The following PDZD2 variants were observed in gnomAD, a reference collection of about 807,000 sequenced individuals.
PDZD2 encodes PDZ domain-containing protein 2.
PDZD2 carries 90 observed loss-of-function variants against 220.7 expected under a neutral mutation model. The observed-to-expected ratio is 0.41, with a 90% confidence interval of 0.34 to 0.49. The LOEUF (loss-of-function observed/expected upper bound fraction) is 0.49, where lower values mean the gene tolerates loss of function less well. Among genes scored for constraint, PDZD2 ranks in the 20% least tolerant of loss-of-function variants. The probability of loss-of-function intolerance (pLI) is 0.28; values close to 1 mark genes in which losing one functional copy is unlikely to be tolerated. For missense variants in PDZD2, 3,174 were observed against 3,608.5 expected, an observed-to-expected ratio of 0.88 and a Z score of 3.08; for synonymous variants, 1,375 against 1,450.5, an observed-to-expected ratio of 0.95 and a Z score of 1.18.
intron 1 of PDZD2, among the ~76,000 whole-genome samples, chr5:31,749,646 A>T (rs1395378953): frequency 6.6e-6 from 1 of 151,846 alleles, no homozygotes; most frequent in Non-Finnish European, 1.5e-5. Flanking sequence ...CTGGTCTCGA[A>T]CTCCTGACCT....
Position 32,080,672 on chromosome 5 carries a change from T to G in PDZD2, c.3682+3066T>G, listed in dbSNP as rs1328413436. 5.3e-5 allele frequency among the ~76,000 whole-genome samples: 8 copies of G among 152,150 alleles called. 1 individual carries two copies. The highest frequency in any genetic ancestry group is 4.4e-5 in the Non-Finnish European group (3 of 68,018). ...CTTATTCTAGGTAGGCCAGTTTTTG[T>G]CAATACTGAGGTTTTCATCAGTGTT... On this transcript the variant is annotated intron_variant, in intron 19 of 24. Transcript: ENST00000438447.
intron 1 of PDZD2, among the ~76,000 whole-genome samples, chr5:31,751,538 T>C (rs1406883238): frequency 4.6e-5 from 7 of 152,244 alleles, no homozygotes; most frequent in African/African-American, 1.7e-4. Context: ...AGGAATTGCG[T>C]GGAAAGATGA....
intron 1 of PDZD2, among the ~76,000 whole-genome samples, chr5:31,695,801 G>C (rs989863163): frequency 9.9e-5 from 15 of 152,170 alleles, no homozygotes; most frequent in Non-Finnish European, 1.3e-4. Flanking sequence ...TCTATCTTGA[G>C]AGCAGAATGT....
At chr5:32,047,825 TGGTTGAA>T (rs1738127741) in intron 7 of PDZD2, among the ~76,000 whole-genome samples, 1 of 152,192 alleles carries the variant, frequency 6.6e-6, no homozygotes, top group Non-Finnish European at 1.5e-5. Flanking sequence ...TGCAATACCG[TGGTTGAA>T]TCTCATAAAC....
chr5:31,999,289 T>TG (rs199925193), intron 4 of PDZD2, among the ~76,000 whole-genome samples: 6,521 of 149,602 alleles, frequency 0.044, 378 homozygotes, highest in East Asian at 0.29. Flanking sequence ...TGTTTTTTTT[T>TG]TTTGTTTGTT....
intron 2 of PDZD2, among the ~76,000 whole-genome samples, chr5:31,932,311 G>T (rs1745365125): frequency 6.6e-6 from 1 of 152,174 alleles, no homozygotes; most frequent in Admixed American, 6.5e-5. Context: ...TACTTTAGGA[G>T]GCCGAGGCAG....
intron 1 of PDZD2, among the ~76,000 whole-genome samples, chr5:31,777,343 T>G (rs7729537): frequency 0.52 from 78,640 of 151,934 alleles, 21,313 homozygotes; most frequent in African/African-American, 0.59. Context: ...CTCCCTGCGG[T>G]GCAGGGCTCC....
At chr5:31,804,839 T>A (rs1754617633) in intron 2 of PDZD2, among the ~76,000 whole-genome samples, 1 of 152,204 alleles carries the variant, frequency 6.6e-6, no homozygotes, top group African/African-American at 2.4e-5. Context: ...GAACAAACTA[T>A]AAGGTTTCTT....
chr5:31,851,766 G>A (rs1480393993), intron 2 of PDZD2, among the ~76,000 whole-genome samples: 6 of 152,156 alleles, frequency 3.9e-5, no homozygotes, highest in Non-Finnish European at 7.4e-5. Context: ...GGGAAAAGAC[G>A]CACCAGATCA....
chr5:31,893,231 C>A (rs1218519119), intron 2 of PDZD2, among the ~76,000 whole-genome samples: 2 of 152,082 alleles, frequency 1.3e-5, no homozygotes, highest in African/African-American at 4.8e-5. Flanking sequence ...ACCATCCTGT[C>A]CCCACGTTAC....
intron 2 of PDZD2, chr5:31,847,878 T>C (rs1242308633): frequency 4.0e-6 from 2 of 506,056 alleles, no homozygotes; most frequent in Non-Finnish European, 7.7e-6. Flanking sequence ...TGTCAGAATG[T>C]TGCAGATTAC....
At chr5:31,830,828 G>A (rs918032777) in intron 2 of PDZD2, among the ~76,000 whole-genome samples, 13 of 152,188 alleles carry the variant, frequency 8.5e-5, no homozygotes, top group Non-Finnish European at 1.8e-4. Flanking sequence ...AGTCTTTTGG[G>A]AGAAGCCTTA....
chr5:31,836,234 T>C (rs1756936250), intron 2 of PDZD2, among the ~76,000 whole-genome samples: 1 of 148,768 alleles, frequency 6.7e-6, no homozygotes, highest in Admixed American at 6.7e-5. Flanking sequence ...TTGGCTTTTT[T>C]TTTTTTTTTT....
At position 32,074,259 on chromosome 5, in the gene PDZD2, T is replaced by C; in HGVS notation, c.3153T>C (p.Asp1051=). 1 of 1,614,232 alleles carries C rather than the reference T, an allele frequency of 6.2e-7. No individual in the cohort carries two copies. Among genetic ancestry groups the C allele is most frequent in the Non-Finnish European group, 8.5e-7 (1 of 1,180,038 alleles). Residue 1051 remains aspartate (D), a synonymous_variant, in exon 18 of 25, where the codon GAT becomes GAC. Coordinates refer to ENST00000438447, the MANE Select transcript of PDZD2 (RefSeq NM_178140.4). ...AGAGTATCCCAGAGGGCATGGTGGA[T>C]GCTGCGTCCTATGCAGCCAACCTCA... The part of the protein sequence containing the change: ...LEESIPEGMV[D]AASYAANLTD...
At chr5:31,850,634 CT>C (rs1202109766) in intron 2 of PDZD2, among the ~76,000 whole-genome samples, 12,312 of 118,222 alleles carry the variant, frequency 0.1, 422 homozygotes, top group East Asian at 0.29. Flanking sequence ...TACCCAAATT[CT>C]TTTTTTTTTT....
intron 2 of PDZD2, among the ~76,000 whole-genome samples, chr5:31,857,354 C>T (rs986485397): frequency 1.3e-5 from 2 of 152,146 alleles, no homozygotes; most frequent in Non-Finnish European, 2.9e-5. Context: ...GCTGATTTCT[C>T]ATGTAGCATC....
At chr5:31,929,380 C>T (rs1021753104) in intron 2 of PDZD2, among the ~76,000 whole-genome samples, 3 of 152,170 alleles carry the variant, frequency 2.0e-5, no homozygotes, top group Non-Finnish European at 4.4e-5. Flanking sequence ...TCTTGCATAC[C>T]ATCAAATGTT....
At chr5:31,831,911 C>CA (rs56394577) in intron 2 of PDZD2, among the ~76,000 whole-genome samples, 6,744 of 63,538 alleles carry the variant, frequency 0.11, 829 homozygotes, top group Non-Finnish European at 0.12. Flanking sequence ...GAGACTGTTT[C>CA]AAAAAAAAAA....
At chr5:31,913,139 C>G (rs544218197) in intron 2 of PDZD2, among the ~76,000 whole-genome samples, 30 of 152,122 alleles carry the variant, frequency 2.0e-4, no homozygotes, top group African/African-American at 7.2e-4. Flanking sequence ...AAGGCTGAGG[C>G]GGGTGGATTG....
Sources: allele counts gnomAD v4.1 joint callset (sites outside exome capture counted in the v4.1 genomes callset), GRCh38; gene constraint gnomAD v4.1.1; transcripts MANE v1.5; gene names NCBI Gene and HGNC (gene_info 2026-07-23, HGNC 2026-07-21).